Variants in SYT1 observed in about 807,000 individuals in gnomAD.
The protein encoded by SYT1 is synaptotagmin-1.
A neutral mutation model predicts 44.8 loss-of-function variants in SYT1; 8 were observed. The ratio of observed to expected loss-of-function variants is 0.18; its 90% confidence interval spans 0.10 to 0.32. SYT1 has a LOEUF of 0.32. Among genes scored for constraint, SYT1 ranks in the 10% least tolerant of loss-of-function variants. The probability of loss-of-function intolerance (pLI) is 1.00; values close to 1 mark genes in which losing one functional copy is unlikely to be tolerated. For synonymous variants in SYT1, 154 were observed against 188.8 expected (o/e 0.82, Z 1.51); for missense variants, 286 against 509.3 (o/e 0.56, Z 4.22).
intron 9 of SYT1, among the ~76,000 whole-genome samples, chr12:79,358,518 A>C (rs1382736873): frequency 1.3e-5 from 2 of 152,154 alleles, no homozygotes; most frequent in Non-Finnish European, 2.9e-5. Context: ...GACATTAGAC[A>C]ATGTCCATAA....
At chr12:79,253,306 G>A (rs956877731) in intron 4 of SYT1, among the ~76,000 whole-genome samples, 1 of 151,846 alleles carries the variant, frequency 6.6e-6, no homozygotes, top group Non-Finnish European at 1.5e-5. Flanking sequence ...GTCACATTTT[G>A]GTAATTCTTG....
At chr12:79,113,639 T>C (rs1216720295) in intron 3 of SYT1, among the ~76,000 whole-genome samples, 1 of 152,134 alleles carries the variant, frequency 6.6e-6, no homozygotes, top group Non-Finnish European at 1.5e-5. Flanking sequence ...GACCATGAAA[T>C]TGATTAATCT....
At chr12:79,008,032 T>C (rs1323965053) in intron 2 of SYT1, among the ~76,000 whole-genome samples, 1 of 151,656 alleles carries the variant, frequency 6.6e-6, no homozygotes, top group African/African-American at 2.4e-5. Flanking sequence ...AAAAAGAAAA[T>C]AACCAATATG....
At chr12:79,435,183 C>T (rs1870016556) in intron 9 of SYT1, among the ~76,000 whole-genome samples, 1 of 152,038 alleles carries the variant, frequency 6.6e-6, no homozygotes, top group Admixed American at 6.6e-5. Flanking sequence ...AAGAGGAAAG[C>T]CTAGAATGGC....
intron 8 of SYT1, among the ~76,000 whole-genome samples, chr12:79,334,558 A>G (rs961854630): frequency 2.0e-5 from 3 of 152,296 alleles, no homozygotes; most frequent in African/African-American, 7.2e-5. Flanking sequence ...CAGATGAAGC[A>G]GCACGTTCAA....
intron 3 of SYT1, among the ~76,000 whole-genome samples, chr12:79,170,818 T>C (rs1338645913): frequency 6.6e-6 from 1 of 152,056 alleles, no homozygotes; most frequent in Non-Finnish European, 1.5e-5. Context: ...TCTTCCAGAG[T>C]TTTTATAGTT....
At chr12:79,054,678 A>G (rs1002658319) in intron 3 of SYT1, among the ~76,000 whole-genome samples, 4 of 151,900 alleles carry the variant, frequency 2.6e-5, no homozygotes, top group African/African-American at 7.2e-5. Context: ...CAGGTGTTTT[A>G]GATATAGGAA....
chr12:79,085,187 G>A (rs1877299652), intron 3 of SYT1, among the ~76,000 whole-genome samples: 1 of 152,110 alleles, frequency 6.6e-6, no homozygotes, highest in African/African-American at 2.4e-5. Flanking sequence ...ATATGCTAAT[G>A]ATAAGCAATC....
At chr12:79,065,519 A>G (rs1246137642) in intron 3 of SYT1, among the ~76,000 whole-genome samples, 1 of 152,148 alleles carries the variant, frequency 6.6e-6, no homozygotes, top group Non-Finnish European at 1.5e-5. Flanking sequence ...TGATATTCTC[A>G]TTTTCTTCCT....
intron 3 of SYT1, among the ~76,000 whole-genome samples, chr12:79,064,714 T>C (rs1303580473): frequency 6.6e-6 from 1 of 151,364 alleles, no homozygotes. Context: ...TGTTGGGGGG[T>C]ATGATTTTTC....
At chr12:79,392,781 A>G (rs933959625) in intron 9 of SYT1, 7 of 146,608 alleles carry the variant, frequency 4.8e-5, no homozygotes, top group African/African-American at 1.7e-4. Context: ...CTGAAGCACA[A>G]CTCTTTATTT....
chr12:79,035,189 A>T (rs1259609757), intron 2 of SYT1, among the ~76,000 whole-genome samples: 1 of 151,714 alleles, frequency 6.6e-6, no homozygotes, highest in Non-Finnish European at 1.5e-5. Context: ...TTGTTCAATG[A>T]CACACTGCTG....
At chr12:78,907,935 A>G (rs1181339350) in intron 1 of SYT1, among the ~76,000 whole-genome samples, 1 of 152,030 alleles carries the variant, frequency 6.6e-6, no homozygotes, top group African/African-American at 2.4e-5. Context: ...CCTCTCAGGT[A>G]TATAGAGAAA....
At chr12:78,866,246 G>A (rs1034335840) in intron 1 of SYT1, among the ~76,000 whole-genome samples, 1 of 152,050 alleles carries the variant, frequency 6.6e-6, no homozygotes, top group Admixed American at 6.5e-5. Flanking sequence ...CTTATGCCTG[G>A]CTTTATTTTC....
chr12:79,073,471 G>GT (rs1408461941), intron 3 of SYT1, among the ~76,000 whole-genome samples: 3 of 152,138 alleles, frequency 2.0e-5, no homozygotes, highest in Non-Finnish European at 4.4e-5. Context: ...GTTGTGAGGA[G>GT]TGGGGAATCC....
At chr12:79,119,601 C>G (rs1879483697) in intron 3 of SYT1, among the ~76,000 whole-genome samples, 1 of 152,078 alleles carries the variant, frequency 6.6e-6, no homozygotes, top group Non-Finnish European at 1.5e-5. Context: ...CACCAGAAAT[C>G]CTTTTCTGAC....
intron 2 of SYT1, among the ~76,000 whole-genome samples, chr12:79,003,485 A>G (rs1325792349): frequency 6.6e-6 from 1 of 152,026 alleles, no homozygotes; most frequent in African/African-American, 2.4e-5. Flanking sequence ...AAAGCCTCAT[A>G]AATATGAACA....
At chr12:79,383,749 A>G (rs1884320003) in intron 9 of SYT1, among the ~76,000 whole-genome samples, 1 of 152,214 alleles carries the variant, frequency 6.6e-6, no homozygotes, top group African/African-American at 2.4e-5. Context: ...ATGAAAATAA[A>G]AAACTACAGA....
chr12:79,216,211 G>T (rs1874794511), intron 3 of SYT1, among the ~76,000 whole-genome samples: 1 of 152,048 alleles, frequency 6.6e-6, no homozygotes, highest in African/African-American at 2.4e-5. Context: ...GATTACAGGA[G>T]TGGGCCACCA....
Sources: gnomAD v4.1 joint callset for allele counts (sites outside exome capture counted in the v4.1 genomes callset) on GRCh38, gnomAD v4.1.1 for gene constraint, MANE v1.5 for transcripts, NCBI Gene and HGNC (gene_info 2026-07-23, HGNC 2026-07-21) for gene names.